TAS2R1: variants seen among roughly 807,000 people sequenced by gnomAD.
The protein encoded by TAS2R1 is taste 2 receptor member 1, also known as taste receptor type 2 member 1.
For missense variants in TAS2R1, 370 were observed against 353.4 expected, an observed-to-expected ratio of 1.05 and a Z score of -0.38; for synonymous variants, 141 against 134.2, an observed-to-expected ratio of 1.05 and a Z score of -0.35.
At chr5:9,803,461 CA>C in the TAS2R1 span, among the ~76,000 whole-genome samples, 1 of 152,066 alleles carries the variant, frequency 6.6e-6, no homozygotes, top group Non-Finnish European at 1.5e-5. Context: ...AAAGTCAAGT[CA>C]AAGAAAAGAA....
At chr5:9,810,116 T>C in the TAS2R1 span, among the ~76,000 whole-genome samples, 1 of 152,238 alleles carries the variant, frequency 6.6e-6, no homozygotes, top group Non-Finnish European at 1.5e-5. Context: ...AGGACAAGTC[T>C]ACTTTTAGCA....
the TAS2R1 span, among the ~76,000 whole-genome samples, chr5:9,840,263 A>C: frequency 6.6e-6 from 1 of 152,212 alleles, no homozygotes; most frequent in Non-Finnish European, 1.5e-5. Context: ...GCCTCAAAAA[A>C]GTGTAGCTCA....
the TAS2R1 span, among the ~76,000 whole-genome samples, chr5:9,894,174 G>A: frequency 2.0e-5 from 3 of 152,134 alleles, no homozygotes; most frequent in African/African-American, 2.4e-5. Context: ...AAGCCGAGGC[G>A]GGTGGATCAC....
At chr5:9,804,893 C>T in the TAS2R1 span, among the ~76,000 whole-genome samples, 1 of 151,442 alleles carries the variant, frequency 6.6e-6, no homozygotes. Flanking sequence ...TAATCAAGAT[C>T]GAGCAGAACT....
At chr5:9,729,625 G>A in the TAS2R1 span, among the ~76,000 whole-genome samples, 1 of 152,010 alleles carries the variant, frequency 6.6e-6, no homozygotes, top group African/African-American at 2.4e-5. Context: ...ACAATGTGCA[G>A]GTTTGTTTGA....
At chr5:9,713,865 A>C (rs757032724), upstream of TAS2R1, 1 of 152,262 alleles carries the variant, frequency 6.6e-6, no homozygotes, top group Non-Finnish European at 1.5e-5. Context: ...CAAAGAAAGT[A>C]GAACAATTAA....
intron 2 of TAS2R1, among the ~76,000 whole-genome samples, chr5:9,658,202 T>C (rs1740454674): frequency 6.6e-6 from 1 of 152,186 alleles, no homozygotes; most frequent in African/African-American, 2.4e-5. Context: ...CAGAAAACAC[T>C]TTACATGCAT....
At chr5:9,857,901 G>T in the TAS2R1 span, among the ~76,000 whole-genome samples, 1 of 152,182 alleles carries the variant, frequency 6.6e-6, no homozygotes, top group Non-Finnish European at 1.5e-5. Context: ...CAGCAGGCTG[G>T]CCTGTTTCTT....
chr5:9,801,557 G>A, the TAS2R1 span, among the ~76,000 whole-genome samples: 7 of 152,194 alleles, frequency 4.6e-5, no homozygotes, highest in African/African-American at 9.7e-5. Flanking sequence ...AGGGATCACC[G>A]TTGCAGGCTC....
chr5:9,673,643 G>GA lies in TAS2R1; in HGVS notation c.-241-14063dup, dbSNP rs148029628. On this transcript the variant is annotated intron_variant, in intron 1 of 2. Coordinates refer to the TAS2R1 transcript ENST00000506620. ...TATTTCTTAGCCAATAAGAGAAGCT[G>GA]AAAAAAAAAACAGAATTTATCCAGA... is the stretch of plus-strand genomic sequence containing the variant. 1.6e-3 allele frequency among the ~76,000 whole-genome samples: 226 copies of GA among 144,096 alleles called. 2 individuals are homozygous for GA. Among genetic ancestry groups the GA allele is most frequent in the South Asian group, 9.5e-3 (43 of 4,528 alleles). The allele number at this position is 144,096 out of a possible 152,430, so 94.5% of individuals were successfully genotyped here.
chr5:9,672,572 C>T (rs10064966), intron 1 of TAS2R1, among the ~76,000 whole-genome samples: 25,331 of 151,990 alleles, frequency 0.17, 2,224 homozygotes, highest in African/African-American at 0.22. Context: ...CAAATCAATA[C>T]CACAATGAGA....
At chr5:9,781,806 A>G in the TAS2R1 span, among the ~76,000 whole-genome samples, 9 of 152,162 alleles carry the variant, frequency 5.9e-5, no homozygotes, top group African/African-American at 2.2e-4. Context: ...GGCCCCCTGC[A>G]TGTGCCATTT....
chr5:9,846,858 C>T, the TAS2R1 span, among the ~76,000 whole-genome samples: 1 of 152,162 alleles, frequency 6.6e-6, no homozygotes, highest in Admixed American at 6.5e-5. Flanking sequence ...CCTTTTTATG[C>T]TTCCAACTTA....
At chr5:9,654,241 T>C (rs1309916385) in intron 2 of TAS2R1, among the ~76,000 whole-genome samples, 1 of 152,164 alleles carries the variant, frequency 6.6e-6, no homozygotes, top group East Asian at 1.9e-4. Flanking sequence ...GCATTCTCTA[T>C]GTAAGAATAA....
chr5:9,810,605 C>A, the TAS2R1 span, among the ~76,000 whole-genome samples: 1 of 152,106 alleles, frequency 6.6e-6, no homozygotes, highest in Middle Eastern at 3.4e-3. Context: ...TAAGGATGCA[C>A]AAGAGAACTG....
intron 2 of TAS2R1, chr5:9,659,392 C>G (rs1413594078): frequency 6.6e-6 from 1 of 152,102 alleles, no homozygotes; most frequent in East Asian, 1.9e-4. Flanking sequence ...ATGACAGCCC[C>G]ACATTTAATA....
intron 1 of TAS2R1, among the ~76,000 whole-genome samples, chr5:9,666,378 C>T (rs1298077558): frequency 1.3e-5 from 2 of 152,132 alleles, no homozygotes; most frequent in Non-Finnish European, 2.9e-5. Flanking sequence ...ACATCTGCCC[C>T]TAAAATGCCA....
intron 1 of TAS2R1, among the ~76,000 whole-genome samples, chr5:9,667,119 G>A (rs1226618555): frequency 6.6e-6 from 1 of 152,088 alleles, no homozygotes; most frequent in African/African-American, 2.4e-5. Flanking sequence ...TGCATACCAT[G>A]TGCCTGGCAT....
chr5:9,782,357 A>G, the TAS2R1 span, among the ~76,000 whole-genome samples: 1 of 151,796 alleles, frequency 6.6e-6, no homozygotes, highest in Non-Finnish European at 1.5e-5. Context: ...TTTTAAAGCC[A>G]CAGTATCCAG....
Sources: gnomAD v4.1 joint callset for allele counts (sites outside exome capture counted in the v4.1 genomes callset) on GRCh38, gnomAD v4.1.1 for gene constraint, MANE v1.5 for transcripts, NCBI Gene and HGNC (gene_info 2026-07-23, HGNC 2026-07-21) for gene names.